NRG3: variants seen among roughly 807,000 people sequenced by gnomAD.
NRG3 encodes the protein pro-neuregulin-3, membrane-bound isoform.
NRG3 carries 31 observed loss-of-function variants against 66.9 expected under a neutral mutation model. The ratio of observed to expected loss-of-function variants is 0.46; its 90% CI spans 0.35 to 0.63. The LOEUF (loss-of-function observed/expected upper bound fraction) is 0.63, where lower values mean the gene tolerates loss of function less well. Ranked by LOEUF, NRG3 falls within the 20% of genes least tolerant of loss-of-function variation. The pLI is 0.00. For synonymous variants in NRG3, 393 were observed against 359.4 expected (o/e 1.09, Z -1.06); for missense variants, 910 against 878.9 (o/e 1.04, Z -0.45).
intron 1 of NRG3, among the ~76,000 whole-genome samples, chr10:81,993,633 C>T (rs2060825873): frequency 6.6e-6 from 1 of 152,128 alleles, no homozygotes; most frequent in Non-Finnish European, 1.5e-5. Flanking sequence ...AGGCATAAAC[C>T]ATGCACCCAG....
chr10:82,688,282 T>C (rs1304947598), intron 2 of NRG3, among the ~76,000 whole-genome samples: 8 of 152,246 alleles, frequency 5.3e-5, no homozygotes, highest in South Asian at 2.1e-4. Context: ...CCACCTAGAC[T>C]TGAGCTCAGC....
chr10:81,875,964 C>G lies in NRG3; in HGVS notation c.624C>G (p.Ser208=). 6.2e-7 allele frequency: 1 copy of G among 1,613,966 alleles called. No individual in the cohort carries two copies. The highest frequency in any genetic ancestry group is 2.2e-5 in the East Asian group (1 of 44,858). The change falls in exon 1 of 9, where the codon TCC becomes TCG. Residue 208 remains serine, a synonymous_variant. Transcript: ENST00000372141. This position sits in a 1 kb window ranked among gnomAD's most constrained non-coding sequence, Gnocchi z 5.3. ...APFFSSSTLG[S]RPPVPGTPST... is the part of the protein sequence containing the mutation. ...TCTTCAGTAGCAGCACGCTGGGCTC[C>G]CGACCCCCGGTGCCAGGAACTCCAA... is the stretch of plus-strand genomic sequence containing the variant.
At chr10:81,927,734 C>T (rs953973101) in intron 1 of NRG3, among the ~76,000 whole-genome samples, 3 of 152,082 alleles carry the variant, frequency 2.0e-5, no homozygotes, top group East Asian at 1.9e-4. Flanking sequence ...AATTCTAAGC[C>T]CCTCAACTGA....
intron 2 of NRG3, among the ~76,000 whole-genome samples, chr10:82,591,872 G>T (rs1229163259): frequency 6.6e-6 from 1 of 152,094 alleles, no homozygotes; most frequent in Non-Finnish European, 1.5e-5. Context: ...ATCTTACAGG[G>T]CCTGGGGACC....
chr10:82,103,789 G>A (rs762266005), intron 1 of NRG3, among the ~76,000 whole-genome samples: 1 of 151,916 alleles, frequency 6.6e-6, no homozygotes, highest in Non-Finnish European at 1.5e-5. Context: ...TGGCTTTTAC[G>A]TGCCTGGGCT....
At chr10:82,878,495 C>G (rs1222305439) in intron 4 of NRG3, among the ~76,000 whole-genome samples, 1 of 152,154 alleles carries the variant, frequency 6.6e-6, no homozygotes, top group East Asian at 1.9e-4. Context: ...ACCCTGTGGA[C>G]ATTAGAAGGA....
intron 3 of NRG3, among the ~76,000 whole-genome samples, chr10:82,743,843 G>A (rs994504309): frequency 3.3e-5 from 5 of 152,192 alleles, no homozygotes; most frequent in African/African-American, 1.2e-4. Context: ...AAAGACCCAT[G>A]TTCTGTATTC....
intron 1 of NRG3, among the ~76,000 whole-genome samples, chr10:82,331,546 C>G (rs1269077846): frequency 6.6e-6 from 1 of 152,068 alleles, no homozygotes; most frequent in African/African-American, 2.4e-5. Context: ...AAATGGTCTT[C>G]TTGAAGATTT....
At chr10:81,936,874 A>G (rs1184296199) in intron 1 of NRG3, among the ~76,000 whole-genome samples, 2 of 152,164 alleles carry the variant, frequency 1.3e-5, no homozygotes, top group African/African-American at 2.4e-5. Flanking sequence ...AAAATTAATC[A>G]TCATGTCATG....
chr10:82,804,211 G>C (rs1012870765), intron 3 of NRG3, among the ~76,000 whole-genome samples: 4 of 152,138 alleles, frequency 2.6e-5, no homozygotes, highest in African/African-American at 7.2e-5. Flanking sequence ...AAGTGAAAAG[G>C]TGAAACTTCT....
intron 4 of NRG3, among the ~76,000 whole-genome samples, chr10:82,947,338 T>G (rs1849118195): frequency 6.6e-6 from 1 of 152,182 alleles, no homozygotes; most frequent in African/African-American, 2.4e-5. Flanking sequence ...AATGTAATAA[T>G]TTGATTATCC....
intron 2 of NRG3, among the ~76,000 whole-genome samples, chr10:82,514,721 A>G (rs1845495500): frequency 6.6e-6 from 1 of 152,056 alleles, no homozygotes; most frequent in African/African-American, 2.4e-5. Context: ...TTCCATATGA[A>G]TTTTAAAGTA....
intron 3 of NRG3, among the ~76,000 whole-genome samples, chr10:82,797,889 T>G (rs916735354): frequency 2.0e-5 from 3 of 152,164 alleles, no homozygotes; most frequent in Non-Finnish European, 4.4e-5. Flanking sequence ...TCAACCTGGT[T>G]TTGTTGTTAG....
At chr10:81,963,891 C>T (rs1332853163) in intron 1 of NRG3, among the ~76,000 whole-genome samples, 2 of 152,178 alleles carry the variant, frequency 1.3e-5, no homozygotes, top group African/African-American at 2.4e-5. Flanking sequence ...TTCTGTCCTC[C>T]TCCACCTCCA....
chr10:82,601,982 C>G (rs965623594), intron 2 of NRG3, among the ~76,000 whole-genome samples: 12 of 149,458 alleles, frequency 8.0e-5, no homozygotes, highest in African/African-American at 3.0e-4. Context: ...ATTCTAGGAG[C>G]AAAGATGGGA....
chr10:82,236,975 A>G (rs2076787204), intron 1 of NRG3, among the ~76,000 whole-genome samples: 1 of 152,132 alleles, frequency 6.6e-6, no homozygotes, highest in South Asian at 2.1e-4. Flanking sequence ...TTGGCCTCCC[A>G]AAGTACTGGG....
intron 2 of NRG3, among the ~76,000 whole-genome samples, chr10:82,607,131 G>T (rs1373151953): frequency 6.6e-6 from 1 of 152,166 alleles, no homozygotes; most frequent in Non-Finnish European, 1.5e-5. Flanking sequence ...AATCAAATCT[G>T]GAGGTCCTGT....
chr10:82,053,284 A>G (rs2063686691), intron 1 of NRG3, among the ~76,000 whole-genome samples: 1 of 152,166 alleles, frequency 6.6e-6, no homozygotes, highest in Non-Finnish European at 1.5e-5. Context: ...TAAAGTCCAA[A>G]TCAAGTGTTT....
At chr10:82,101,861 T>G (rs562872787) in intron 1 of NRG3, among the ~76,000 whole-genome samples, 1 of 151,046 alleles carries the variant, frequency 6.6e-6, no homozygotes, top group Admixed American at 6.6e-5. Context: ...AAGTCTCCCA[T>G]ATTGTTGCTG....
Sources: allele counts gnomAD v4.1 joint callset (sites outside exome capture counted in the v4.1 genomes callset), GRCh38; gene constraint gnomAD v4.1.1; non-coding constraint Gnocchi (gnomAD v3.1); transcripts MANE v1.5; gene names NCBI Gene and HGNC (gene_info 2026-07-23, HGNC 2026-07-21).